The following BCO1 variants were observed in gnomAD, a reference collection of about 807,000 sequenced individuals.
BCO1 encodes beta-carotene oxygenase 1.
In BCO1, 54 loss-of-function variants were observed where a neutral mutation model predicts 56.3. The ratio of observed to expected loss-of-function variants is 0.96; its 90% confidence interval spans 0.77 to 1.20. The LOEUF is 1.20. BCO1 is among the 50% of genes most tolerant of loss of function. BCO1 has a pLI of 0.00. For synonymous variants in BCO1, 318 were observed against 266.1 expected (o/e 1.20, Z -1.90); for missense variants, 801 against 690.9 (o/e 1.16, Z -1.79).
At position 81,262,145 on chromosome 16, in the gene BCO1, C is replaced by A. The variant is rs1273993444; in HGVS notation, c.333C>A (p.Ser111=). Residue 111 remains serine, a synonymous_variant, in exon 4 of 11, where the codon TCC becomes TCA. Transcript: ENST00000258168. ...PCKNIFSKAF[S]YLSHTIPDFT... ...TTGCTTTTCTCCCCAGAGCTTTCTC[C>A]TACTTGTCTCACACCATCCCCGATT... is the stretch of plus-strand genomic sequence containing the variant. 1 of 1,613,906 alleles carries A rather than the reference C, an allele frequency of 6.2e-7. No individual in the cohort carries two copies. Among genetic ancestry groups the A allele is most frequent in the Non-Finnish European group, 8.5e-7 (1 of 1,179,980 alleles).
At chr16:81,252,288 C>T (rs1905855019) in intron 2 of BCO1, among the ~76,000 whole-genome samples, 1 of 151,812 alleles carries the variant, frequency 6.6e-6, no homozygotes, top group Non-Finnish European at 1.5e-5. Flanking sequence ...GAGATGGAGA[C>T]TTGCTCTGTC....
At chr16:81,281,006 T>G (rs778611017) in intron 8 of BCO1, 44 bp downstream of exon 8, 2 of 1,432,950 alleles carry the variant, frequency 1.4e-6, no homozygotes, top group Non-Finnish European at 9.8e-7. Flanking sequence ...AGGGGCAGAT[T>G]TTCACAGGGA....
intron 5 of BCO1, 99 bp from the exon 6 acceptor site, chr16:81,267,809 T>C: frequency 1.9e-6 from 2 of 1,044,218 alleles, no homozygotes; most frequent in South Asian, 2.6e-5. Flanking sequence ...GTAAAGGTTT[T>C]TTTCAGCAAT....
intron 7 of BCO1, among the ~76,000 whole-genome samples, chr16:81,277,137 G>T (rs142594670): frequency 6.6e-6 from 1 of 151,652 alleles, no homozygotes; most frequent in East Asian, 1.9e-4. Context: ...AGCGATTGCC[G>T]TTTGGGACAG....
chr16:81,288,660 G>A (rs940747442), intron 10 of BCO1, among the ~76,000 whole-genome samples: 2 of 152,178 alleles, frequency 1.3e-5, no homozygotes, highest in African/African-American at 4.8e-5. Context: ...CTATTTTCTA[G>A]GTTTCCACTT....
In BCO1 at chr16:81,264,822, C is replaced by A. The variant is rs552746766; in HGVS notation, c.619+35C>A. On this transcript the variant is annotated intron_variant, in intron 5 of 10. Coordinates refer to ENST00000258168, the MANE Select transcript of BCO1 (RefSeq NM_017429.3). ...TCTGGGGAATTGAATAAAACACAAA[C>A]AACCAAGTGTGGCTTCTTCTGAAGA... The A allele has an allele frequency of 1.7e-5, 28 of 1,612,386 alleles. No homozygotes were observed. In the South Asian group the frequency reaches 2.1e-4, roughly 12 times the overall value.
intron 2 of BCO1, among the ~76,000 whole-genome samples, chr16:81,251,414 T>G (rs7200763): frequency 0.27 from 41,588 of 151,756 alleles, 6,359 homozygotes; most frequent in Middle Eastern, 0.41. Flanking sequence ...CAAAAAGTTA[T>G]CCAGGCGTGG....
chr16:81,272,117 T>C (rs113963714), intron 7 of BCO1, among the ~76,000 whole-genome samples: 323 of 144,704 alleles, frequency 2.2e-3, no homozygotes, highest in Middle Eastern at 0.011. Flanking sequence ...TTCTTTCTTT[T>C]TTTTTTTTTT....
At position 81,262,288 on chromosome 16, in the gene BCO1, C is replaced by G. The variant is rs1906535555; in HGVS notation, c.471+5C>G. ...ACTCTGGAAACCCTGGAGAAGGTAT[C>G]AACACATATGTAACCAGCATCACTT... On this transcript the variant is annotated splice_donor_5th_base_variant and intron_variant, in intron 4 of 10. Transcript: ENST00000258168. 1 of 1,611,698 alleles carries G rather than the reference C, an allele frequency of 6.2e-7. No homozygotes were observed. Among genetic ancestry groups the G allele is most frequent in the Admixed American group, 1.7e-5 (1 of 59,976 alleles).
At chr16:81,258,274 G>A (rs1019117372) in intron 2 of BCO1, among the ~76,000 whole-genome samples, 6 of 152,168 alleles carry the variant, frequency 3.9e-5, no homozygotes, top group South Asian at 2.1e-4. Context: ...AAACTAACAC[G>A]GGTCTAGAAC....
intron 2 of BCO1, among the ~76,000 whole-genome samples, chr16:81,249,505 C>T (rs1905653268): frequency 6.6e-6 from 1 of 152,166 alleles, no homozygotes. Flanking sequence ...ATCTGACCGC[C>T]TCGGCCTCCC....
At chr16:81,247,561 T>C (rs1233821844) in intron 2 of BCO1, among the ~76,000 whole-genome samples, 1 of 152,130 alleles carries the variant, frequency 6.6e-6, no homozygotes, top group Non-Finnish European at 1.5e-5. Flanking sequence ...AGTTTCGCTC[T>C]TGTTGCCCAG....
rs546439489 is a variant in BCO1, at chr16:81,270,568, G to C, written c.1101+152G>C. ...TCATTGTTTTTCCCAAAGTAGTACC[G>C]ATTCATAATAAAAACTTTAGAAAAT... is the stretch of plus-strand genomic sequence containing the variant. On this transcript the variant is annotated intron_variant, in intron 7 of 10. Coordinates refer to ENST00000258168, the MANE Select transcript of BCO1 (RefSeq NM_017429.3). The C allele has an allele frequency of 4.2e-5, 44 of 1,050,342 alleles. 3 individuals are homozygous for C. In the South Asian group the frequency reaches 6.3e-4, roughly 15 times the overall value. The allele number at this position is 1,050,342 out of a possible 1,614,324, so 65.1% of individuals were successfully genotyped here.
In BCO1 at chr16:81,290,926, G is replaced by A; in HGVS notation, c.*349G>A. The A allele has an allele frequency of 4.8e-6, 1 of 209,964 alleles. No individual in the cohort carries two copies. The highest frequency in any genetic ancestry group is 9.9e-5 in the South Asian group (1 of 10,142). The allele number at this position is 209,964 out of a possible 1,614,324, so 13.0% of individuals were successfully genotyped here. A position where few individuals can be genotyped will look rare whatever the true frequency, so the allele number is the denominator to read the frequency against. On this transcript the variant is annotated 3_prime_UTR_variant, in exon 11 of 11. Transcript: ENST00000258168. Reference sequence around the variant, plus strand: ...AACGAGCCACTAACCTATTAGAGAAGAGGCAGATAATTATTTATCATTGTG... The same window carrying A: ...AACGAGCCACTAACCTATTAGAGAAAAGGCAGATAATTATTTATCATTGTG...
chr16:81,272,170 G>A (rs1192263249), intron 7 of BCO1, among the ~76,000 whole-genome samples: 1 of 140,856 alleles, frequency 7.1e-6, no homozygotes, highest in Non-Finnish European at 1.5e-5. Flanking sequence ...CTGGAGTGCA[G>A]TGGCGCAGTC....
intron 2 of BCO1, among the ~76,000 whole-genome samples, chr16:81,259,013 C>A (rs1906315628): frequency 6.6e-6 from 1 of 152,152 alleles, no homozygotes; most frequent in African/African-American, 2.4e-5. Context: ...AGAACTCACT[C>A]ATCACCAGAA....
At chr16:81,265,409 TCCATCCAC>T (rs1479792122) in intron 5 of BCO1, among the ~76,000 whole-genome samples, 12 of 142,520 alleles carry the variant, frequency 8.4e-5, no homozygotes, top group African/African-American at 3.2e-4. Context: ...CATTCTCCCA[TCCATCCAC>T]CCATCCACCA....
rs555571671 is a variant in BCO1 at position 81,269,311 on chromosome 16, T to G, written c.844-848T>G. 3.4e-3 allele frequency among the ~76,000 whole-genome samples: 510 copies of G among 151,018 alleles called. 4 individuals are homozygous for G. Among genetic ancestry groups the G allele is most frequent in the Middle Eastern group, 0.014 (4 of 294 alleles). ...GCACTTTTAGTTTTTCTTTTTTTTT[T>G]TTTTCAGATAGAGTCTCACTCTGTC... On this transcript the variant is annotated intron_variant, in intron 6 of 10. Transcript: ENST00000258168.
chr16:81,266,324 C>T (rs1340982842), intron 5 of BCO1, among the ~76,000 whole-genome samples: 3 of 152,178 alleles, frequency 2.0e-5, no homozygotes, highest in African/African-American at 7.2e-5. Context: ...CAGGACCCTC[C>T]TGGGAACCAC....
Sources: allele counts gnomAD v4.1 joint callset (sites outside exome capture counted in the v4.1 genomes callset), GRCh38; gene constraint gnomAD v4.1.1; transcripts MANE v1.5; gene names NCBI Gene and HGNC (gene_info 2026-07-23, HGNC 2026-07-21).